The following RGS7 variants were observed in gnomAD, a reference collection of about 807,000 sequenced individuals.
RGS7 encodes regulator of G protein signaling 7, also known as regulator of G-protein signaling 7.
In RGS7, 27 loss-of-function variants were observed where a neutral mutation model predicts 81.1. That is an observed-to-expected ratio of 0.33 (90% confidence interval 0.25 to 0.46). The LOEUF is 0.46. RGS7 is among the 20% of genes least tolerant of loss of function. RGS7 has a pLI of 1.00. For missense variants in RGS7, 396 were observed against 607.4 expected, an observed-to-expected ratio of 0.65 and a Z score of 3.66; for synonymous variants, 208 against 207.7, an observed-to-expected ratio of 1.00 and a Z score of -0.01.
chr1:241,306,474 A>T (rs1402842802), intron 2 of RGS7, among the ~76,000 whole-genome samples: 3 of 146,720 alleles, frequency 2.0e-5, no homozygotes, highest in African/African-American at 7.7e-5. Flanking sequence ...ACGTCCACTC[A>T]CACACACACG....
Position 240,943,637 on chromosome 1 carries a change from T to C in RGS7, c.227-6931A>G, listed in dbSNP as rs555816410. ...GATCAAACCAGAGTGTTTTGTGGGC[T>C]GAAATATGCCTATGTTTTTCCCTAC... is the stretch of plus-strand genomic sequence containing the variant. On this transcript the variant is annotated intron_variant, in intron 4 of 18. Transcript: ENST00000440928. Among the ~76,000 whole-genome samples, 24 of 152,292 alleles carry C rather than the reference T, an allele frequency of 1.6e-4. No individual in the cohort carries two copies. In the East Asian group the frequency reaches 4.2e-3, roughly 27 times the overall value.
At chr1:240,869,948 A>G (rs1664183765) in intron 7 of RGS7, 107 bp downstream of exon 7, 2 of 999,406 alleles carry the variant, frequency 2.0e-6, no homozygotes, top group South Asian at 2.6e-5. Context: ...CTCAAAAAAA[A>G]GAAAAAGATC....
chr1:240,904,617 A>T (rs572503975), intron 6 of RGS7, among the ~76,000 whole-genome samples: 1 of 152,312 alleles, frequency 6.6e-6, no homozygotes, highest in South Asian at 2.1e-4. Context: ...GCTTTAAAAG[A>T]GTACTTGTTC....
At chr1:240,864,372 T>C (rs1196975252) in intron 9 of RGS7, among the ~76,000 whole-genome samples, 1 of 152,190 alleles carries the variant, frequency 6.6e-6, no homozygotes, top group African/African-American at 2.4e-5. Context: ...TTTTAGTCAT[T>C]GCATTGGCAG....
rs139815951 is a variant in RGS7 at position 241,053,545 on chromosome 1, C to T, written c.175+45121G>A. The stretch of plus-strand genomic sequence containing the variant: ...ACTGTGTCATTTGACCACCTGTTAA[C>T]TCTAGATGGCAAATATATTTAAATG... On this transcript the variant is annotated intron_variant, in intron 3 of 18. Coordinates refer to ENST00000440928, the MANE Select transcript of RGS7 (RefSeq NM_001364886.1). Among the ~76,000 whole-genome samples, 1,402 of 152,282 alleles carry T rather than the reference C, an allele frequency of 9.2e-3. 19 individuals are homozygous for T. Among genetic ancestry groups the T allele is most frequent in the African/African-American group, 0.032 (1,342 of 41,556 alleles).
At chr1:241,311,051 T>C (rs561913274) in intron 2 of RGS7, among the ~76,000 whole-genome samples, 3 of 152,334 alleles carry the variant, frequency 2.0e-5, no homozygotes, top group African/African-American at 7.2e-5. Flanking sequence ...ATCTTTTGAT[T>C]CCTCGCTTAT....
At chr1:241,162,869 C>G (rs1243906974) in intron 2 of RGS7, among the ~76,000 whole-genome samples, 1 of 152,190 alleles carries the variant, frequency 6.6e-6, no homozygotes, top group Non-Finnish European at 1.5e-5. Flanking sequence ...TGAAGTAAGG[C>G]AGTCTGACTC....
chr1:240,982,295 G>A (rs1358771296), intron 4 of RGS7, among the ~76,000 whole-genome samples: 1 of 151,670 alleles, frequency 6.6e-6, no homozygotes, highest in African/African-American at 2.4e-5. Context: ...GGTGGCACGC[G>A]CCCATAATCC....
At chr1:241,248,769 C>G (rs2076686413) in intron 2 of RGS7, among the ~76,000 whole-genome samples, 1 of 152,144 alleles carries the variant, frequency 6.6e-6, no homozygotes, top group East Asian at 1.9e-4. Context: ...CAAGGCATAT[C>G]CCTCCTTTTC....
intron 2 of RGS7, among the ~76,000 whole-genome samples, chr1:241,308,606 G>C (rs1314859969): frequency 1.3e-5 from 2 of 152,114 alleles, no homozygotes; most frequent in African/African-American, 4.8e-5. Context: ...AGTGTTCTTC[G>C]CAGTTTCTGT....
intron 3 of RGS7, among the ~76,000 whole-genome samples, chr1:241,080,246 A>G (rs764058982): frequency 1.3e-5 from 2 of 151,994 alleles, no homozygotes; most frequent in Non-Finnish European, 2.9e-5. Context: ...TTCCTGGAAG[A>G]TTTCCATTTG....
intron 2 of RGS7, among the ~76,000 whole-genome samples, chr1:241,175,560 T>G (rs2103279755): frequency 6.6e-6 from 1 of 152,270 alleles, no homozygotes; most frequent in African/African-American, 2.4e-5. Context: ...GGAAGGGAAG[T>G]GGACATCTGT....
At chr1:241,121,707 G>GTTATTTT (rs2066267624) in intron 2 of RGS7, among the ~76,000 whole-genome samples, 1 of 62,282 alleles carries the variant, frequency 1.6e-5, no homozygotes, top group African/African-American at 7.4e-5. Context: ...TGTTGCAATT[G>GTTATTTT]TTCTTTTTTT....
intron 12 of RGS7, among the ~76,000 whole-genome samples, chr1:240,814,119 G>A (rs892959708): frequency 3.9e-5 from 6 of 152,142 alleles, no homozygotes; most frequent in Admixed American, 6.5e-5. Context: ...TTTGTCAAAA[G>A]TATTTACAGG....
At chr1:241,111,988 C>T (rs1305814189) in intron 2 of RGS7, among the ~76,000 whole-genome samples, 2 of 152,082 alleles carry the variant, frequency 1.3e-5, no homozygotes, top group African/African-American at 4.8e-5. Context: ...TGGTACAGGA[C>T]TAGTGGCATT....
intron 2 of RGS7, among the ~76,000 whole-genome samples, chr1:241,167,908 G>C (rs529354725): frequency 1.3e-5 from 2 of 152,260 alleles, no homozygotes; most frequent in African/African-American, 4.8e-5. Context: ...TACTCCTGGG[G>C]TGGTGTGGTC....
intron 3 of RGS7, among the ~76,000 whole-genome samples, chr1:241,084,842 C>T (rs1336031451): frequency 1.3e-5 from 2 of 152,182 alleles, no homozygotes; most frequent in Non-Finnish European, 2.9e-5. Context: ...GAAAAGAACT[C>T]CCTATTAATT....
intron 3 of RGS7, among the ~76,000 whole-genome samples, chr1:241,077,829 C>T (rs1361069400): frequency 2.0e-5 from 3 of 152,148 alleles, no homozygotes; most frequent in South Asian, 2.1e-4. Flanking sequence ...GATCACTATC[C>T]GTGTCACCCC....
rs1244358778 is a variant in RGS7, at chr1:241,171,031, C to G, written c.79-72269G>C. Among the ~76,000 whole-genome samples the G allele has an allele frequency of 2.6e-5, 4 of 152,096 alleles. No individual in the cohort carries two copies. In the East Asian group the frequency reaches 7.7e-4, roughly 29 times the overall value. Reference sequence around the variant, plus strand: ...AGCTATCAGTCCTATAAACTTTAATCATCAGGAAAAAAATTATTGCTTTGC... The same window carrying G: ...AGCTATCAGTCCTATAAACTTTAATGATCAGGAAAAAAATTATTGCTTTGC... On this transcript the variant is annotated intron_variant, in intron 2 of 18. Transcript: ENST00000440928.
Sources: gnomAD v4.1 joint callset for allele counts (sites outside exome capture counted in the v4.1 genomes callset) on GRCh38, gnomAD v4.1.1 for gene constraint, MANE v1.5 for transcripts, NCBI Gene and HGNC (gene_info 2026-07-23, HGNC 2026-07-21) for gene names.